The following PPFIA2 variants were observed in gnomAD, a reference collection of about 807,000 sequenced individuals.
PPFIA2 encodes the protein liprin-alpha-2.
A neutral mutation model predicts 175.5 loss-of-function variants in PPFIA2; 46 were observed. The observed-to-expected ratio is 0.26, with a 90% CI of 0.21 to 0.34. PPFIA2 has a LOEUF of 0.34. PPFIA2 is among the 10% of genes least tolerant of loss of function. The pLI is 1.00. For synonymous variants in PPFIA2, 568 were observed against 511.4 expected (o/e 1.11, Z -1.49); for missense variants, 1,179 against 1,506.1 (o/e 0.78, Z 3.60).
At chr12:81,723,983 A>G (rs893846345) in intron 3 of PPFIA2, among the ~76,000 whole-genome samples, 1 of 150,918 alleles carries the variant, frequency 6.6e-6, no homozygotes, top group Non-Finnish European at 1.5e-5. Context: ...AAATATTATT[A>G]CTTCACTCAT....
At chr12:81,542,351 C>T (rs1594742019) in intron 4 of PPFIA2, among the ~76,000 whole-genome samples, 2 of 152,118 alleles carry the variant, frequency 1.3e-5, no homozygotes, top group East Asian at 3.9e-4. Context: ...CAGCACCTCA[C>T]TTTAGGACTT....
rs1246289478 is a variant in PPFIA2, at chr12:81,485,920, G to A, written c.304-28054C>T. 2.0e-5 allele frequency among the ~76,000 whole-genome samples: 3 copies of A among 151,852 alleles called. No homozygotes were observed. In the East Asian group the frequency reaches 5.8e-4, roughly 29 times the overall value. Reference sequence around the variant, plus strand: ...TTAAAACAGACTAAGTACCCCATCTGCAATTAAATTTATTAAATTATAACA... The same window carrying A: ...TTAAAACAGACTAAGTACCCCATCTACAATTAAATTTATTAAATTATAACA... On this transcript the variant is annotated intron_variant, in intron 4 of 32. Transcript: ENST00000549396.
At chr12:81,513,319 A>G (rs1448538368) in intron 4 of PPFIA2, among the ~76,000 whole-genome samples, 1 of 152,086 alleles carries the variant, frequency 6.6e-6, no homozygotes, top group African/African-American at 2.4e-5. Context: ...AAACTAGTAC[A>G]ACCACTATGG....
intron 24 of PPFIA2, among the ~76,000 whole-genome samples, chr12:81,284,772 A>C (rs1476789837): frequency 2.0e-5 from 3 of 152,160 alleles, no homozygotes; most frequent in Non-Finnish European, 2.9e-5. Flanking sequence ...TGAAGGAAAA[A>C]AAATGGTTGT....
At chr12:81,313,382 A>G (rs938323394) in intron 22 of PPFIA2, among the ~76,000 whole-genome samples, 21 of 152,268 alleles carry the variant, frequency 1.4e-4, no homozygotes, top group Non-Finnish European at 2.9e-4. Flanking sequence ...TTGATGTGCA[A>G]TGGAACACCC....
chr12:81,410,978 G>A (rs2076400405), intron 7 of PPFIA2, among the ~76,000 whole-genome samples: 2 of 152,058 alleles, frequency 1.3e-5, no homozygotes, highest in Non-Finnish European at 2.9e-5. Flanking sequence ...TTAGTAATAT[G>A]ATCCAAGCCC....
chr12:81,754,344 C>T (rs1228256228), intron 2 of PPFIA2, 121 bp from the exon 3 acceptor site: 3 of 1,254,534 alleles, frequency 2.4e-6, no homozygotes, highest in East Asian at 2.6e-5. Flanking sequence ...TTTCCCCTAC[C>T]TGTTGCCCCA....
At chr12:81,695,010 G>A (rs961539297) in intron 3 of PPFIA2, among the ~76,000 whole-genome samples, 1 of 152,130 alleles carries the variant, frequency 6.6e-6, no homozygotes, top group Non-Finnish European at 1.5e-5. Context: ...CCTTATTGGA[G>A]TATGTTTGCC....
Position 81,510,823 on chromosome 12 carries a change from T to C in PPFIA2, c.304-52957A>G, listed in dbSNP as rs1054226658. On this transcript the variant is annotated intron_variant, in intron 4 of 32. Coordinates refer to ENST00000549396, the MANE Select transcript of PPFIA2 (RefSeq NM_003625.5). Reference sequence around the variant, plus strand: ...ATTGCTATTACAAACAAAATATTCATGACTAACAAGCATAAAAATAAGGCC... The same window carrying C: ...ATTGCTATTACAAACAAAATATTCACGACTAACAAGCATAAAAATAAGGCC... 3.9e-5 allele frequency among the ~76,000 whole-genome samples: 6 copies of C among 152,216 alleles called. No homozygotes were observed. The East Asian group carries it at 1.2e-3, about 29-fold the overall frequency.
At chr12:81,621,102 G>T (rs2061998577) in intron 4 of PPFIA2, among the ~76,000 whole-genome samples, 2 of 152,116 alleles carry the variant, frequency 1.3e-5, no homozygotes, top group African/African-American at 4.8e-5. Context: ...AGGAGTAGGG[G>T]AGTTGAAAAA....
intron 27 of PPFIA2, among the ~76,000 whole-genome samples, chr12:81,278,424 C>T (rs909004627): frequency 2.0e-5 from 3 of 151,838 alleles, no homozygotes; most frequent in African/African-American, 7.3e-5. Flanking sequence ...GCCTGTAGTC[C>T]CAGCTACTCG....
At chr12:81,306,827 C>T (rs577011837) in intron 22 of PPFIA2, among the ~76,000 whole-genome samples, 3 of 152,036 alleles carry the variant, frequency 2.0e-5, no homozygotes, top group Non-Finnish European at 4.4e-5. Context: ...CTGACATGAG[C>T]CACTGTGCCT....
At chr12:81,365,276 A>G (rs1417321844) in intron 14 of PPFIA2, among the ~76,000 whole-genome samples, 2 of 151,762 alleles carry the variant, frequency 1.3e-5, no homozygotes, top group Admixed American at 6.6e-5. Flanking sequence ...GTTTAGTGGA[A>G]ATTTGAGGAA....
chr12:81,387,416 A>G (rs2142098511), intron 8 of PPFIA2, among the ~76,000 whole-genome samples: 1 of 152,264 alleles, frequency 6.6e-6, no homozygotes, highest in Admixed American at 6.6e-5. Context: ...GAATGAGAAG[A>G]ACAGAAAGCA....
At chr12:81,434,001 ATGAG>A (rs1203011957) in intron 7 of PPFIA2, among the ~76,000 whole-genome samples, 1 of 152,158 alleles carries the variant, frequency 6.6e-6, no homozygotes, top group African/African-American at 2.4e-5. Flanking sequence ...TATGTTTTCA[ATGAG>A]TGATTTGGGG....
chr12:81,359,858 T>TC, intron 15 of PPFIA2, among the ~76,000 whole-genome samples: 1 of 152,062 alleles, frequency 6.6e-6, no homozygotes, highest in Non-Finnish European at 1.5e-5. Flanking sequence ...TGCTTAAAAT[T>TC]ATTCAATGTC....
intron 4 of PPFIA2, among the ~76,000 whole-genome samples, chr12:81,496,810 C>G (rs577599941): frequency 6.6e-6 from 1 of 152,086 alleles, no homozygotes; most frequent in African/African-American, 2.4e-5. Flanking sequence ...TGAGTAAAAC[C>G]AGAAGAATGG....
chr12:81,278,431 C>T (rs1423343619), intron 27 of PPFIA2, among the ~76,000 whole-genome samples: 2 of 151,514 alleles, frequency 1.3e-5, no homozygotes, highest in East Asian at 3.9e-4. Context: ...GTCCCAGCTA[C>T]TCGGGAGGCT....
chr12:81,606,140 G>A (rs1004118248), intron 4 of PPFIA2, among the ~76,000 whole-genome samples: 1 of 152,024 alleles, frequency 6.6e-6, no homozygotes, highest in Non-Finnish European at 1.5e-5. Context: ...TTTCTGCAAA[G>A]GACAAGATTA....
Sources: gnomAD v4.1 joint callset for allele counts (sites outside exome capture counted in the v4.1 genomes callset) on GRCh38, gnomAD v4.1.1 for gene constraint, MANE v1.5 for transcripts, NCBI Gene and HGNC (gene_info 2026-07-23, HGNC 2026-07-21) for gene names.